The following FHAD1 variants were observed in gnomAD, a reference collection of about 807,000 sequenced individuals.
The protein encoded by FHAD1 is forkhead-associated domain-containing protein 1.
FHAD1 carries 146 observed loss-of-function variants against 191.3 expected under a neutral mutation model. The observed-to-expected ratio is 0.76, with a 90% confidence interval of 0.67 to 0.88. The LOEUF (loss-of-function observed/expected upper bound fraction) is 0.88. Among genes scored for constraint, FHAD1 ranks in the 40% least tolerant of loss-of-function variants. The pLI is 0.00. For synonymous variants in FHAD1, 616 were observed against 672.3 expected (o/e 0.92, Z 1.29); for missense variants, 1,635 against 1,785.8 (o/e 0.92, Z 1.52).
At chr1:15,395,639 C>G (rs899547938) in intron 33 of FHAD1, among the ~76,000 whole-genome samples, 1 of 152,180 alleles carries the variant, frequency 6.6e-6, no homozygotes, top group African/African-American at 2.4e-5. Flanking sequence ...AGGACGCCCC[C>G]TCCTTTGAGC....
At chr1:15,331,686 G>A (rs1294145447) in intron 14 of FHAD1, among the ~76,000 whole-genome samples, 1 of 151,448 alleles carries the variant, frequency 6.6e-6, no homozygotes, top group Non-Finnish European at 1.5e-5. Flanking sequence ...AAGGCAGGAA[G>A]GAAGGCAGGA....
intron 20 of FHAD1, among the ~76,000 whole-genome samples, chr1:15,355,905 A>T (rs1692588836): frequency 1.6e-5 from 2 of 126,660 alleles, no homozygotes; most frequent in Admixed American, 1.6e-4. Flanking sequence ...TTTCCTGATT[A>T]TAAAAAAAAA....
intron 3 of FHAD1, among the ~76,000 whole-genome samples, chr1:15,280,398 A>G (rs750819929): frequency 4.6e-4 from 70 of 152,268 alleles, no homozygotes; most frequent in Middle Eastern, 3.4e-3. Context: ...TCCAAAGCCC[A>G]TGAAGTGGAG....
At position 15,298,408 on chromosome 1, in the gene FHAD1, G is replaced by C. The variant is rs1216614618; in HGVS notation, c.678+1615G>C. 1.3e-5 allele frequency among the ~76,000 whole-genome samples: 2 copies of C among 152,226 alleles called. 1 individual carries two copies. The highest frequency in any genetic ancestry group is 4.1e-4 in the South Asian group (2 of 4,834). ...AGTGGGAGCAGGGCAAGGGATAAAA[G>C]TCTACAAATATGATGCAGTGTATAC... On this transcript the variant is annotated intron_variant, in intron 5 of 33. Transcript: ENST00000688493.
Position 15,386,678 on chromosome 1 carries a change from C to T in FHAD1, c.4189-1373C>T, listed in dbSNP as rs367918222. On this transcript the variant is annotated intron_variant, in intron 31 of 33. Transcript: ENST00000688493. Reference sequence around the variant, plus strand: ...CCACGCGGTCTCAGCTGGGCTGGAGCCCCTAACCTTGCCTCTGCATTATGA... The same window carrying T: ...CCACGCGGTCTCAGCTGGGCTGGAGTCCCTAACCTTGCCTCTGCATTATGA... Among the ~76,000 whole-genome samples, 508 of 152,292 alleles carry T rather than the reference C, an allele frequency of 3.3e-3. 5 individuals are homozygous for T. The highest frequency in any genetic ancestry group is 0.011 in the African/African-American group (445 of 41,550).
chr1:15,281,728 T>A (rs525613), intron 3 of FHAD1, among the ~76,000 whole-genome samples: 2 of 132,794 alleles, frequency 1.5e-5, no homozygotes, highest in Non-Finnish European at 3.0e-5. Flanking sequence ...GCTACTGCAC[T>A]CCAGCCTGGG....
upstream of FHAD1, among the ~76,000 whole-genome samples, chr1:15,246,554 C>T (rs1557900430): frequency 6.6e-6 from 1 of 152,006 alleles, no homozygotes; most frequent in Non-Finnish European, 1.5e-5. Context: ...GGCTGACAAG[C>T]GGTTTCTTAA....
intron 21 of FHAD1, among the ~76,000 whole-genome samples, chr1:15,359,881 C>T (rs868231384): frequency 9.9e-5 from 15 of 151,814 alleles, no homozygotes; most frequent in Admixed American, 2.6e-4. Context: ...ACCCGGGAGG[C>T]GGAGCTTGCA....
intron 19 of FHAD1, among the ~76,000 whole-genome samples, 179 bp downstream of exon 19, chr1:15,349,328 C>T (rs1045926546): frequency 1.3e-5 from 2 of 152,208 alleles, no homozygotes; most frequent in African/African-American, 4.8e-5. Context: ...CCTCAGTTTC[C>T]TCATCTGTGA....
intron 10 of FHAD1, among the ~76,000 whole-genome samples, chr1:15,321,674 A>G (rs1676313645): frequency 6.6e-6 from 1 of 152,244 alleles, no homozygotes; most frequent in Non-Finnish European, 1.5e-5. Flanking sequence ...TTCAGCGTGA[A>G]GAACATCCTT....
chr1:15,313,499 G>A (rs1672956755), intron 8 of FHAD1, among the ~76,000 whole-genome samples: 1 of 152,170 alleles, frequency 6.6e-6, no homozygotes, highest in Non-Finnish European at 1.5e-5. Flanking sequence ...CATTATAAAT[G>A]AGTTTGGTTA....
intron 6 of FHAD1, among the ~76,000 whole-genome samples, 152 bp downstream of exon 6, chr1:15,301,593 C>G (rs74053890): frequency 6.6e-6 from 1 of 152,184 alleles, no homozygotes; most frequent in African/African-American, 2.4e-5. Flanking sequence ...CTGGGAGATT[C>G]GGCAGTTTCC....
intron 2 of FHAD1, among the ~76,000 whole-genome samples, chr1:15,258,747 G>A (rs1480048769): frequency 5.5e-5 from 4 of 72,380 alleles, no homozygotes; most frequent in Non-Finnish European, 4.7e-5. Flanking sequence ...CACCACGCCC[G>A]GCTAATTTTT....
intron 20 of FHAD1, among the ~76,000 whole-genome samples, chr1:15,354,879 C>T (rs1692192722): frequency 6.6e-6 from 1 of 152,128 alleles, no homozygotes; most frequent in Non-Finnish European, 1.5e-5. Flanking sequence ...CAAGAAGCAA[C>T]CTTCTCAACA....
At chr1:15,346,393 A>G (rs546681791) in intron 18 of FHAD1, among the ~76,000 whole-genome samples, 1 of 152,370 alleles carries the variant, frequency 6.6e-6, no homozygotes, top group South Asian at 2.1e-4. Flanking sequence ...ATGGACTAGA[A>G]GCCTTACCGG....
chr1:15,369,158 G>A (rs938099106), intron 25 of FHAD1, among the ~76,000 whole-genome samples: 8 of 152,242 alleles, frequency 5.3e-5, no homozygotes, highest in Admixed American at 2.0e-4. Context: ...TTCAGCCCCC[G>A]TGCAGGAACC....
At chr1:15,391,491 C>T (rs1363631562) in intron 33 of FHAD1, among the ~76,000 whole-genome samples, 2 of 152,128 alleles carry the variant, frequency 1.3e-5, no homozygotes, top group South Asian at 2.1e-4. Flanking sequence ...CCGCGCCTGG[C>T]TGAACACTCT....
rs12082286 is a variant in FHAD1, at chr1:15,369,115, A to G, written c.3315-255A>G. Among the ~76,000 whole-genome samples, 4 of 152,138 alleles carry G rather than the reference A, an allele frequency of 2.6e-5. No individual in the cohort carries two copies. In the East Asian group the frequency reaches 7.7e-4, roughly 29 times the overall value. ...AAAGTGTTAGAAACAGCAGACATGC[A>G]GTGAATGTCCCTGTAAAGCCACAGC... On this transcript the variant is annotated intron_variant, in intron 25 of 33. Transcript: ENST00000688493.
Position 15,296,743 on chromosome 1 carries a change from G to A in FHAD1, c.628G>A (p.Val210Ile). 1 of 1,551,926 alleles carries A rather than the reference G, an allele frequency of 6.4e-7. No homozygotes were observed. The highest frequency in any genetic ancestry group is 8.7e-7 in the Non-Finnish European group (1 of 1,147,054). Reference sequence around the variant, plus strand: ...AGTGGCCGAGGGGATTCCTGGGGCAGTTCCCCCTGCGGAGATTTATGTGGA... The same window carrying A: ...AGTGGCCGAGGGGATTCCTGGGGCAATTCCCCCTGCGGAGATTTATGTGGA... ...KSVAEGIPGAVPPAEIYVEED... is the reference protein window; with the variant it reads ...KSVAEGIPGAIPPAEIYVEED... The change falls in exon 5 of 34, where the codon GTT becomes ATT. Residue 210 changes from valine (V) to isoleucine (I), a missense_variant. Coordinates refer to ENST00000688493, the MANE Select transcript of FHAD1 (RefSeq NM_001391957.1).
Sources: allele counts gnomAD v4.1 joint callset (sites outside exome capture counted in the v4.1 genomes callset), GRCh38; gene constraint gnomAD v4.1.1; transcripts MANE v1.5; gene names NCBI Gene and HGNC (gene_info 2026-07-23, HGNC 2026-07-21).